The following HTR1E variants were observed in gnomAD, a reference collection of about 807,000 sequenced individuals.
HTR1E encodes the protein 5-HT-1E.
Under a neutral mutation model 3.4 loss-of-function variants are expected in HTR1E, and 3 were observed. That is an observed-to-expected ratio of 0.89 (90% CI 0.41 to 2.31). The LOEUF is 2.31. Among genes scored for constraint, HTR1E ranks in the 30% most tolerant of loss-of-function variants. The pLI, the probability that HTR1E is intolerant of heterozygous loss-of-function variation, is 0.05. For synonymous variants in HTR1E, 170 were observed against 182.8 expected, an observed-to-expected ratio of 0.93 and a Z score of 0.56; for missense variants, 392 against 467.0, an observed-to-expected ratio of 0.84 and a Z score of 1.48.
At chr6:86,998,208 A>T (rs1039284757) in intron 1 of HTR1E, among the ~76,000 whole-genome samples, 1 of 152,092 alleles carries the variant, frequency 6.6e-6, no homozygotes, top group Non-Finnish European at 1.5e-5. Flanking sequence ...TGATAGATGT[A>T]TATAAGATTT....
intron 1 of HTR1E, among the ~76,000 whole-genome samples, chr6:86,999,633 A>G (rs778862999): frequency 2.0e-5 from 3 of 152,152 alleles, no homozygotes; most frequent in African/African-American, 4.8e-5. Context: ...TTCTCTACCA[A>G]TGGTTTTTCT....
intron 1 of HTR1E, among the ~76,000 whole-genome samples, chr6:86,946,124 T>A (rs79662419): frequency 1.1e-3 from 169 of 152,278 alleles, no homozygotes; most frequent in African/African-American, 3.9e-3. Context: ...TTTTACAAAT[T>A]AGGTATAGCT....
intron 1 of HTR1E, among the ~76,000 whole-genome samples, chr6:86,973,016 T>C (rs1418856519): frequency 6.6e-6 from 1 of 152,210 alleles, no homozygotes; most frequent in Non-Finnish European, 1.5e-5. Flanking sequence ...CACTGCTGTT[T>C]CTAGTTAGCT....
intron 1 of HTR1E, among the ~76,000 whole-genome samples, chr6:86,958,937 C>CGTGTGTGTGT (rs55871033): frequency 1.1e-3 from 159 of 140,074 alleles, no homozygotes; most frequent in African/African-American, 1.3e-3. Flanking sequence ...ACCAATTGCA[C>CGTGTGTGTGT]GTGTGTGTGT....
intron 1 of HTR1E, among the ~76,000 whole-genome samples, chr6:86,983,953 T>C (rs964530468): frequency 6.6e-6 from 1 of 152,120 alleles, no homozygotes; most frequent in African/African-American, 2.4e-5. Flanking sequence ...ACTCCTAGAA[T>C]TATTTGACTT....
At chr6:86,984,389 C>T (rs1767754212) in intron 1 of HTR1E, among the ~76,000 whole-genome samples, 1 of 152,134 alleles carries the variant, frequency 6.6e-6, no homozygotes, top group South Asian at 2.1e-4. Flanking sequence ...CTCTTAAAAA[C>T]CAAAGCACAG....
intron 1 of HTR1E, among the ~76,000 whole-genome samples, chr6:86,995,688 GAAAAAAAAAAAA>G (rs58476122): frequency 7.2e-5 from 4 of 55,206 alleles, no homozygotes; most frequent in East Asian, 5.2e-4. Context: ...AAAAAAAAAA[GAAAAAAAAAAAA>G]AAAAGAAAAC....
chr6:86,979,705 A>G (rs1448601360), intron 1 of HTR1E, among the ~76,000 whole-genome samples: 5 of 152,220 alleles, frequency 3.3e-5, no homozygotes, highest in African/African-American at 1.2e-4. Context: ...AACTTAAGAC[A>G]CAATCCAAAA....
chr6:86,984,603 T>G (rs1481274730), intron 1 of HTR1E, among the ~76,000 whole-genome samples: 1 of 152,194 alleles, frequency 6.6e-6, no homozygotes, highest in Admixed American at 6.5e-5. Context: ...AACCCTGAAA[T>G]GTCAGAGGCT....
At chr6:86,939,735 G>A (rs828358) in intron 1 of HTR1E, among the ~76,000 whole-genome samples, 38,654 of 152,080 alleles carry the variant, frequency 0.25, 5,418 homozygotes, top group African/African-American at 0.35. Context: ...AGCATCACAA[G>A]CATAGTAAAA....
At chr6:86,939,422 A>T (rs1426269939) in intron 1 of HTR1E, among the ~76,000 whole-genome samples, 8 of 152,358 alleles carry the variant, frequency 5.3e-5, no homozygotes, top group Non-Finnish European at 1.2e-4. Context: ...ATCCTGATTC[A>T]TCATTGTTGA....
intron 1 of HTR1E, among the ~76,000 whole-genome samples, chr6:87,009,387 C>T (rs1210963889): frequency 4.6e-5 from 7 of 152,030 alleles, no homozygotes; most frequent in Admixed American, 6.5e-5. Flanking sequence ...GGCAAGGTCA[C>T]AGATCAACAG....
intron 1 of HTR1E, among the ~76,000 whole-genome samples, chr6:86,983,799 A>G (rs1016604224): frequency 2.0e-5 from 3 of 152,176 alleles, no homozygotes; most frequent in African/African-American, 7.2e-5. Context: ...CAACTTATTC[A>G]GATCTTTTTT....
chr6:86,945,934 T>A (rs181156854), intron 1 of HTR1E, among the ~76,000 whole-genome samples: 14 of 152,254 alleles, frequency 9.2e-5, no homozygotes, highest in Admixed American at 2.6e-4. Context: ...AGATGGGGAT[T>A]CACTATGTTG....
chr6:86,997,937 G>A (rs796820705), intron 1 of HTR1E, among the ~76,000 whole-genome samples: 16 of 151,850 alleles, frequency 1.1e-4, no homozygotes, highest in African/African-American at 3.9e-4. Context: ...AAAGAAAGTT[G>A]GAATGGCTAT....
In HTR1E at chr6:86,978,659, G is replaced by A. The variant is rs959766797; in HGVS notation, c.-185-36491G>A. Reference sequence around the variant, plus strand: ...ACTTGCAGCCAGAAATATCCTAATTGATCAAATCAAGTCCAACCTCCTGTC... The same window carrying A: ...ACTTGCAGCCAGAAATATCCTAATTAATCAAATCAAGTCCAACCTCCTGTC... On this transcript the variant is annotated intron_variant, in intron 1 of 1. Transcript: ENST00000305344. Among the ~76,000 whole-genome samples, 3 of 152,118 alleles carry A rather than the reference G, an allele frequency of 2.0e-5. No homozygotes were observed. In the South Asian group the frequency reaches 6.2e-4, roughly 32 times the overall value.
chr6:87,002,344 C>A (rs111953767), intron 1 of HTR1E, among the ~76,000 whole-genome samples: 14 of 152,224 alleles, frequency 9.2e-5, no homozygotes, highest in African/African-American at 3.4e-4. Flanking sequence ...TGGTGTGGAC[C>A]CAAAGAGTGA....
rs60134206 is a variant in HTR1E at position 86,995,665 on chromosome 6, C to CAAAAAAAAAAAAAAAAA, written c.-185-19479_-185-19463dup. Among the ~76,000 whole-genome samples, 110 of 36,498 alleles carry CAAAAAAAAAAAAAAAAA rather than the reference C, an allele frequency of 3.0e-3. 1 individual carries two copies. The highest frequency in any genetic ancestry group is 5.2e-3 in the African/African-American group (52 of 10,012). 23.9% of individuals were successfully genotyped at this position (36,498 alleles called of 152,430 possible). A position where few individuals can be genotyped will look rare whatever the true frequency, so the allele number is the denominator to read the frequency against. On this transcript the variant is annotated intron_variant, in intron 1 of 1. Transcript: ENST00000305344. The stretch of plus-strand genomic sequence containing the variant: ...TGGGTGACAGAGTGAGACTCCATCT[C>CAAAAAAAAAAAAAAAAA]AAAAAAAAAAAAAAAAAAAAAAGAA...
chr6:86,962,145 T>C (rs1043113432), intron 1 of HTR1E, among the ~76,000 whole-genome samples: 6 of 152,140 alleles, frequency 3.9e-5, no homozygotes, highest in African/African-American at 4.8e-5. Context: ...TGTTTGAACA[T>C]TAAGGAGAAT....
Sources: gnomAD v4.1 joint callset for allele counts (sites outside exome capture counted in the v4.1 genomes callset) on GRCh38, gnomAD v4.1.1 for gene constraint, MANE v1.5 for transcripts, NCBI Gene and HGNC (gene_info 2026-07-23, HGNC 2026-07-21) for gene names.